NTM: variants seen among roughly 807,000 people sequenced by gnomAD.
NTM encodes the protein neurotrimin, also known as IgLON family member 2.
Under a neutral mutation model 42.1 loss-of-function variants are expected in NTM, and 13 were observed. That is an observed-to-expected ratio of 0.31 (90% CI 0.20 to 0.49). The LOEUF (loss-of-function observed/expected upper bound fraction) is 0.49, where lower values mean the gene tolerates loss of function less well. Among genes scored for constraint, NTM ranks in the 20% least tolerant of loss-of-function variants. NTM has a pLI of 0.99. For synonymous variants in NTM, 187 were observed against 179.2 expected, an observed-to-expected ratio of 1.04 and a Z score of -0.35; for missense variants, 373 against 452.8, an observed-to-expected ratio of 0.82 and a Z score of 1.60.
At chr11:131,965,237 C>T (rs1235989502) in intron 2 of NTM, among the ~76,000 whole-genome samples, 3 of 152,090 alleles carry the variant, frequency 2.0e-5, no homozygotes, top group Non-Finnish European at 2.9e-5. Context: ...ATGAGGGACG[C>T]ACAGGCCAGG....
intron 3 of NTM, among the ~76,000 whole-genome samples, chr11:132,155,182 T>G (rs1244496486): frequency 6.6e-6 from 1 of 152,216 alleles, no homozygotes; most frequent in Non-Finnish European, 1.5e-5. Context: ...AGTTTTGGGT[T>G]ACAGTCTGAA....
intron 2 of NTM, among the ~76,000 whole-genome samples, chr11:132,037,040 C>G (rs753944606): frequency 2.2e-4 from 33 of 152,112 alleles, no homozygotes; most frequent in Non-Finnish European, 4.1e-4. Context: ...TTTCCTTCTC[C>G]AGATGCTATA....
At chr11:132,197,281 G>C (rs1350109491) in intron 3 of NTM, among the ~76,000 whole-genome samples, 1 of 152,142 alleles carries the variant, frequency 6.6e-6, no homozygotes, top group Non-Finnish European at 1.5e-5. Flanking sequence ...TTGGGCATTA[G>C]ATTTGGTAAG....
intron 1 of NTM, among the ~76,000 whole-genome samples, chr11:131,702,386 C>T (rs533163316): frequency 6.6e-6 from 1 of 152,182 alleles, no homozygotes; most frequent in African/African-American, 2.4e-5. Context: ...TTAAAATGAT[C>T]TCATCATCAC....
intron 3 of NTM, among the ~76,000 whole-genome samples, chr11:132,147,726 G>A (rs796224458): frequency 2.6e-5 from 4 of 152,180 alleles, no homozygotes; most frequent in African/African-American, 9.6e-5. Context: ...AACCAGGGAC[G>A]TGTAGCTCCA....
At chr11:131,878,951 T>C (rs1227510320) in intron 1 of NTM, among the ~76,000 whole-genome samples, 1 of 152,060 alleles carries the variant, frequency 6.6e-6, no homozygotes, top group African/African-American at 2.4e-5. Flanking sequence ...CTTGCCACTA[T>C]GTACGCTGCC....
intron 1 of NTM, among the ~76,000 whole-genome samples, chr11:131,463,168 A>C (rs958444964): frequency 2.6e-5 from 4 of 152,144 alleles, no homozygotes; most frequent in African/African-American, 7.2e-5. Flanking sequence ...GCAACATTCC[A>C]TCCTATTGCC....
At chr11:132,204,393 TATG>T (rs1261061009) in intron 3 of NTM, among the ~76,000 whole-genome samples, 2 of 152,188 alleles carry the variant, frequency 1.3e-5, no homozygotes, top group Non-Finnish European at 2.9e-5. Context: ...TGCCAGGCAT[TATG>T]ATATGTGATG....
intron 1 of NTM, among the ~76,000 whole-genome samples, chr11:131,461,882 G>A (rs971665987): frequency 2.0e-5 from 3 of 152,070 alleles, no homozygotes; most frequent in South Asian, 2.1e-4. Context: ...ACAAAGCAGG[G>A]ACATTCAAAT....
intron 2 of NTM, among the ~76,000 whole-genome samples, chr11:132,070,779 C>G (rs1162881790): frequency 7.0e-6 from 1 of 142,556 alleles, no homozygotes; most frequent in Non-Finnish European, 1.5e-5. Context: ...CGTCACTCAC[C>G]CAGGTTAACA....
intron 3 of NTM, among the ~76,000 whole-genome samples, chr11:132,161,742 A>G (rs147001522): frequency 2.0e-3 from 301 of 151,908 alleles, no homozygotes; most frequent in African/African-American, 6.9e-3. Flanking sequence ...CCAGACTGCG[A>G]TTCCCTCCTC....
rs548974624 is a variant in NTM, at chr11:131,598,383, A to G, written c.82+227495A>G. ...ATGATAAACAAAACAAGGTAACAAC[A>G]ACAAATCCCTTGTACTACACGCTTG... is the stretch of plus-strand genomic sequence containing the variant. On this transcript the variant is annotated intron_variant, in intron 1 of 8. Coordinates refer to ENST00000683400, the MANE Select transcript of NTM (RefSeq NM_001352005.2). Among the ~76,000 whole-genome samples the G allele has an allele frequency of 2.0e-5, 3 of 152,352 alleles. 1 individual carries two copies. In the South Asian group the frequency reaches 6.2e-4, roughly 32 times the overall value.
chr11:132,095,874 C>T (rs1052786487), intron 2 of NTM, among the ~76,000 whole-genome samples: 1 of 152,230 alleles, frequency 6.6e-6, no homozygotes, highest in African/African-American at 2.4e-5. Flanking sequence ...GGAACACCCA[C>T]ACTGTACTCT....
intron 2 of NTM, among the ~76,000 whole-genome samples, chr11:131,913,130 G>T (rs2055555315): frequency 1.3e-5 from 2 of 152,132 alleles, no homozygotes; most frequent in East Asian, 1.9e-4. Context: ...GATTTCAGGG[G>T]AGTTACAAAT....
At chr11:131,497,090 C>G (rs1955426019) in intron 1 of NTM, among the ~76,000 whole-genome samples, 1 of 152,232 alleles carries the variant, frequency 6.6e-6, no homozygotes, top group South Asian at 2.1e-4. Context: ...ATGTGATCTT[C>G]TGTCCACAGA....
intron 1 of NTM, among the ~76,000 whole-genome samples, chr11:131,857,591 C>G (rs943083744): frequency 2.0e-5 from 3 of 152,154 alleles, no homozygotes; most frequent in African/African-American, 7.2e-5. Flanking sequence ...GGAACCTTGT[C>G]TTTTTCTTTG....
chr11:132,141,938 G>T (rs2069241646), intron 2 of NTM, among the ~76,000 whole-genome samples: 1 of 152,198 alleles, frequency 6.6e-6, no homozygotes. Context: ...AATGGCCACT[G>T]CCAGAGGGCT....
intron 1 of NTM, among the ~76,000 whole-genome samples, chr11:131,378,962 G>A (rs556006740): frequency 6.6e-6 from 1 of 152,290 alleles, no homozygotes; most frequent in South Asian, 2.1e-4. Context: ...CACATGGCCA[G>A]GACAGCTCCT....
intron 1 of NTM, among the ~76,000 whole-genome samples, chr11:131,837,562 A>C (rs1206390508): frequency 6.6e-6 from 1 of 152,210 alleles, no homozygotes; most frequent in Non-Finnish European, 1.5e-5. Context: ...TCTAAGATGA[A>C]ACAGATCACC....
Sources: allele counts gnomAD v4.1 joint callset (sites outside exome capture counted in the v4.1 genomes callset), GRCh38; gene constraint gnomAD v4.1.1; transcripts MANE v1.5; gene names NCBI Gene and HGNC (gene_info 2026-07-23, HGNC 2026-07-21).